Variants in PRIM2 observed in about 807,000 individuals in gnomAD.
PRIM2 encodes the protein DNA primase large subunit.
PRIM2 carries 39 observed loss-of-function variants against 67.3 expected under a neutral mutation model. That is an observed-to-expected ratio of 0.58 (90% CI 0.45 to 0.76). The LOEUF is 0.76. PRIM2 is among the 30% of genes least tolerant of loss of function. PRIM2 has a pLI of 0.00. For synonymous variants in PRIM2, 143 were observed against 198.7 expected (o/e 0.72, Z 2.36); for missense variants, 398 against 598.7 (o/e 0.66, Z 3.50).
At chr6:57,261,079 C>A in the PRIM2 span, among the ~76,000 whole-genome samples, 1 of 152,128 alleles carries the variant, frequency 6.6e-6, no homozygotes, top group Non-Finnish European at 1.5e-5. Context: ...TTTCATTTCC[C>A]TCATGCTTTT....
chr6:57,316,968 T>C (rs1411452905), upstream of PRIM2, among the ~76,000 whole-genome samples: 1 of 152,246 alleles, frequency 6.6e-6, no homozygotes, highest in Non-Finnish European at 1.5e-5. Context: ...GCTTCCTCTG[T>C]GCGAGGCATT....
chr6:57,565,093 T>C (rs1296555325), intron 10 of PRIM2, among the ~76,000 whole-genome samples: 24 of 152,318 alleles, frequency 1.6e-4, no homozygotes, highest in African/African-American at 4.8e-4. Flanking sequence ...CACACTGATA[T>C]GTGTTTTAGC....
intron 8 of PRIM2, among the ~76,000 whole-genome samples, chr6:57,510,141 C>G: frequency 6.6e-6 from 1 of 151,986 alleles, no homozygotes; most frequent in East Asian, 1.9e-4. Flanking sequence ...TGTTTGTTTA[C>G]TGTTTGATTT....
At chr6:57,418,386 T>TG (rs1771347432) in intron 7 of PRIM2, among the ~76,000 whole-genome samples, 3 of 54,120 alleles carry the variant, frequency 5.5e-5, no homozygotes, top group African/African-American at 2.6e-4. Context: ...GTGTGTGGTT[T>TG]TTTTTTTTTT....
At chr6:57,297,964 G>T in the PRIM2 span, among the ~76,000 whole-genome samples, 2 of 152,158 alleles carry the variant, frequency 1.3e-5, no homozygotes, top group African/African-American at 4.8e-5. Flanking sequence ...AGACATCAGT[G>T]GGACAATGTC....
chr6:57,408,204 G>A (rs1581874370), intron 7 of PRIM2, among the ~76,000 whole-genome samples: 1 of 152,202 alleles, frequency 6.6e-6, no homozygotes, highest in African/African-American at 2.4e-5. Flanking sequence ...GATGACATGG[G>A]TGCATGTGGA....
intron 5 of PRIM2, among the ~76,000 whole-genome samples, chr6:57,367,194 CA>C (rs58759199): frequency 4.6e-5 from 7 of 151,010 alleles, no homozygotes; most frequent in South Asian, 2.1e-4. Flanking sequence ...TTATAAATGA[CA>C]AAAAAATTTG....
intron 10 of PRIM2, among the ~76,000 whole-genome samples, chr6:57,557,191 A>G (rs1404779569): frequency 2.5e-4 from 34 of 137,044 alleles, no homozygotes; most frequent in African/African-American, 8.6e-4. Flanking sequence ...AAATTAGTTC[A>G]ACCATTGTGG....
intron 7 of PRIM2, among the ~76,000 whole-genome samples, chr6:57,479,161 G>T (rs1419016361): frequency 1.3e-5 from 2 of 152,148 alleles, no homozygotes. Flanking sequence ...AAGAAAAAAG[G>T]ATTTATTACA....
intron 7 of PRIM2, among the ~76,000 whole-genome samples, chr6:57,418,383 G>GTTTTTTTTTTTTTTTTTTTTTTT (rs34491627): frequency 2.1e-5 from 1 of 47,228 alleles, no homozygotes; most frequent in African/African-American, 6.5e-5. Context: ...TATGTGTGTG[G>GTTTTTTTTTTTTTTTTTTTTTTT]TTTTTTTTTT....
the PRIM2 span, among the ~76,000 whole-genome samples, chr6:57,267,029 G>C: frequency 6.6e-6 from 1 of 152,164 alleles, no homozygotes; most frequent in Non-Finnish European, 1.5e-5. Flanking sequence ...ACCTTTTGTA[G>C]CTTAGTTCTT....
Position 57,455,545 on chromosome 6 carries a change from C to T in PRIM2, c.694-51842C>T. 2.0e-5 allele frequency among the ~76,000 whole-genome samples: 3 copies of T among 152,232 alleles called. No homozygotes were observed. The South Asian group carries it at 6.2e-4, about 32-fold the overall frequency. ...GATCCCTTTACCATTATGTAATGGC[C>T]TGCTTTGTCTCTTTTGATCTTTGTT... On this transcript the variant is annotated intron_variant, in intron 7 of 13. Coordinates refer to ENST00000615550, the MANE Select transcript of PRIM2 (RefSeq NM_000947.5).
chr6:57,274,504 C>T, the PRIM2 span, among the ~76,000 whole-genome samples: 7 of 152,312 alleles, frequency 4.6e-5, no homozygotes, highest in Non-Finnish European at 8.8e-5. Context: ...GGGAGTGACC[C>T]GATTTTCCAG....
chr6:57,351,612 G>A (rs1305705996), intron 5 of PRIM2, among the ~76,000 whole-genome samples: 5 of 152,068 alleles, frequency 3.3e-5, no homozygotes, highest in African/African-American at 1.2e-4. Flanking sequence ...TAGAGGACAA[G>A]AGTAGTGTAA....
intron 7 of PRIM2, among the ~76,000 whole-genome samples, chr6:57,446,653 G>A (rs1331625465): frequency 6.6e-6 from 1 of 151,920 alleles, no homozygotes; most frequent in Non-Finnish European, 1.5e-5. Context: ...TTATTAGTGG[G>A]GATTAGGTTC....
intron 7 of PRIM2, among the ~76,000 whole-genome samples, chr6:57,488,598 C>T (rs1773806481): frequency 6.6e-6 from 1 of 152,194 alleles, no homozygotes; most frequent in Non-Finnish European, 1.5e-5. Flanking sequence ...GGAGGAGTCC[C>T]ACTGTGTGGA....
In PRIM2 at chr6:57,386,353, G is replaced by A. The variant is rs1003337230; in HGVS notation, c.693+4185G>A. 2.1e-5 allele frequency among the ~76,000 whole-genome samples: 3 copies of A among 146,102 alleles called. 1 individual carries two copies. The highest frequency in any genetic ancestry group is 4.5e-5 in the Non-Finnish European group (3 of 67,172). On this transcript the variant is annotated intron_variant, in intron 7 of 13. Coordinates refer to ENST00000615550, the MANE Select transcript of PRIM2 (RefSeq NM_000947.5). ...GGATCACTTGAGCCTGGGAGATCAA[G>A]GCTGCAATGAGCTATAATCATGCCA...
At chr6:57,477,090 C>T (rs1490404168) in intron 7 of PRIM2, among the ~76,000 whole-genome samples, 1 of 151,104 alleles carries the variant, frequency 6.6e-6, no homozygotes, top group Non-Finnish European at 1.5e-5. Context: ...TCCTGGGCTT[C>T]ATCGATCCTC....
intron 7 of PRIM2, among the ~76,000 whole-genome samples, chr6:57,467,501 C>T (rs1773232990): frequency 1.3e-5 from 2 of 152,184 alleles, no homozygotes; most frequent in East Asian, 1.9e-4. Context: ...CTTTTGGTAC[C>T]AATACCATGC....
Sources: gnomAD v4.1 joint callset for allele counts (sites outside exome capture counted in the v4.1 genomes callset) on GRCh38, gnomAD v4.1.1 for gene constraint, MANE v1.5 for transcripts, NCBI Gene and HGNC (gene_info 2026-07-23, HGNC 2026-07-21) for gene names.